The following CCNY variants were observed in gnomAD, a reference collection of about 807,000 sequenced individuals.
CCNY encodes cyclin Y.
Under a neutral mutation model 42.8 loss-of-function variants are expected in CCNY, and 19 were observed. The ratio of observed to expected loss-of-function variants is 0.44; its 90% confidence interval spans 0.31 to 0.65. The LOEUF (loss-of-function observed/expected upper bound fraction) is 0.65. Among genes scored for constraint, CCNY ranks in the 30% least tolerant of loss-of-function variants. The pLI is 0.07. For missense variants in CCNY, 370 were observed against 437.3 expected, an observed-to-expected ratio of 0.85 and a Z score of 1.37; for synonymous variants, 165 against 162.7, an observed-to-expected ratio of 1.01 and a Z score of -0.11.
chr10:35,469,869 CAG>C (rs979386851), intron 1 of CCNY, among the ~76,000 whole-genome samples: 5 of 138,196 alleles, frequency 3.6e-5, no homozygotes, highest in African/African-American at 1.4e-4. Flanking sequence ...GATGGAGAGA[CAG>C]GGAGATAGAT....
intron 8 of CCNY, among the ~76,000 whole-genome samples, chr10:35,556,926 A>G (rs532930607): frequency 2.4e-4 from 37 of 151,538 alleles, no homozygotes; most frequent in African/African-American, 8.2e-4. Flanking sequence ...GCTCACTGCA[A>G]CTTCGCTTCC....
chr10:35,399,426 T>A (rs779262812), intron 1 of CCNY, among the ~76,000 whole-genome samples: 7 of 152,098 alleles, frequency 4.6e-5, no homozygotes, highest in African/African-American at 1.2e-4. Context: ...GGTACTAGTG[T>A]GTGAAGTGGT....
intron 1 of CCNY, among the ~76,000 whole-genome samples, chr10:35,392,674 G>GAGCTGGGC (rs1185977168): frequency 1.3e-5 from 2 of 152,224 alleles, no homozygotes; most frequent in Non-Finnish European, 2.9e-5. Flanking sequence ...GTCAGCTGGG[G>GAGCTGGGC]AGCTGGGCCT....
intron 1 of CCNY, among the ~76,000 whole-genome samples, chr10:35,429,457 G>T (rs1189052635): frequency 3.3e-5 from 5 of 152,024 alleles, no homozygotes; most frequent in Non-Finnish European, 7.4e-5. Context: ...TAGCTTTTTG[G>T]GGTCTTCAAT....
At position 35,530,111 on chromosome 10, in the gene CCNY, T is replaced by C; in HGVS notation, c.460-13T>C. 1.2e-6 allele frequency: 2 copies of C among 1,614,188 alleles called. No homozygotes were observed. The highest frequency in any genetic ancestry group is 1.1e-5 in the South Asian group (1 of 91,080). ...TCGGGAGATCAGTCATCTGAAAATATTTTCTTCCCCAGAAATCCGAAGTGC... is the reference window on the plus strand; with the variant it reads ...TCGGGAGATCAGTCATCTGAAAATACTTTCTTCCCCAGAAATCCGAAGTGC... On this transcript the variant is annotated splice_polypyrimidine_tract_variant and intron_variant, in intron 6 of 9. Coordinates refer to ENST00000374704, the MANE Select transcript of CCNY (RefSeq NM_145012.6). The surrounding 1 kb of genome is among the most constrained non-coding windows in gnomAD (Gnocchi z 4.3).
chr10:35,496,873 T>G (rs896612001), intron 2 of CCNY, among the ~76,000 whole-genome samples: 4 of 152,214 alleles, frequency 2.6e-5, no homozygotes, highest in African/African-American at 7.2e-5. Flanking sequence ...AAGTGTAATT[T>G]TGTTTGTCCC....
rs575632011 is a variant in CCNY at position 35,439,219 on chromosome 10, T to C, written c.155-44185T>C. 8.9e-4 allele frequency among the ~76,000 whole-genome samples: 136 copies of C among 152,354 alleles called. 1 individual carries two copies. The highest frequency in any genetic ancestry group is 9.4e-4 in the Non-Finnish European group (64 of 68,024). ...AGCCCTGCCCGCTGTCTTTTCTCCC[T>C]TGGTACTCTGATGATGAGAATGTTA... is the stretch of plus-strand genomic sequence containing the variant. On this transcript the variant is annotated intron_variant, in intron 1 of 9. Transcript: ENST00000374704.
chr10:35,425,745 A>G lies in CCNY; in HGVS notation c.155-57659A>G, dbSNP rs574586475. On this transcript the variant is annotated intron_variant, in intron 1 of 9. Transcript: ENST00000374704. ...CTTGTGGAGGGAATGTAACCTTGCT[A>G]TGGAGGACTTTCTGCTTTCTAACTT... Among the ~76,000 whole-genome samples the G allele has an allele frequency of 5.3e-5, 8 of 152,306 alleles. No individual in the cohort carries two copies. The South Asian group carries it at 8.3e-4, about 16-fold the overall frequency.
At chr10:35,541,954 C>T (rs10827513) in intron 7 of CCNY, among the ~76,000 whole-genome samples, 16,090 of 149,450 alleles carry the variant, frequency 0.11, 1,160 homozygotes, top group East Asian at 0.35. Flanking sequence ...CCCAGCATCC[C>T]TTTTTTTCTT....
At chr10:35,501,272 T>C (rs1840105004) in intron 2 of CCNY, among the ~76,000 whole-genome samples, 1 of 152,234 alleles carries the variant, frequency 6.6e-6, no homozygotes. Context: ...GCTGCAGTTA[T>C]TTTGTTAGGG....
chr10:35,400,942 A>T (rs974146013), intron 1 of CCNY, among the ~76,000 whole-genome samples: 1 of 152,002 alleles, frequency 6.6e-6, no homozygotes, highest in African/African-American at 2.4e-5. Context: ...TTTTTTTTTG[A>T]GAGAGAAATA....
intron 1 of CCNY, among the ~76,000 whole-genome samples, chr10:35,341,218 T>G (rs1836173803): frequency 6.6e-6 from 1 of 152,166 alleles, no homozygotes; most frequent in African/African-American, 2.4e-5. Flanking sequence ...TCCTTGCCCT[T>G]CCTGGAACAT....
At chr10:35,279,770 C>A (rs957000152) in intron 3 of CCNY, among the ~76,000 whole-genome samples, 1 of 152,172 alleles carries the variant, frequency 6.6e-6, no homozygotes, top group Non-Finnish European at 1.5e-5. Context: ...TCAAGTCTGG[C>A]ATGGAAAGGG....
In CCNY at chr10:35,378,166, G is replaced by A. The variant is rs185567885; in HGVS notation, c.154+40959G>A. Among the ~76,000 whole-genome samples the A allele has an allele frequency of 1.5e-3, 228 of 152,288 alleles. 1 individual carries two copies. The highest frequency in any genetic ancestry group is 5.2e-3 in the African/African-American group (218 of 41,554). ...CACATGCAAGATTTTGTGTCATCAT[G>A]CTTTGTCATTTGGGAAAGTATTGGT... On this transcript the variant is annotated intron_variant, in intron 1 of 9. Transcript: ENST00000374704.
chr10:35,444,558 G>C (rs1249665866), intron 1 of CCNY, among the ~76,000 whole-genome samples: 1 of 152,140 alleles, frequency 6.6e-6, no homozygotes, highest in Non-Finnish European at 1.5e-5. Context: ...ATAACTGTTT[G>C]ACTGGCAGCA....
chr10:35,526,112 T>C (rs1840647962), intron 5 of CCNY, 113 bp downstream of exon 5: 1 of 922,492 alleles, frequency 1.1e-6, no homozygotes, highest in Non-Finnish European at 1.6e-6. Context: ...TTAACTCATA[T>C]TTTCATAGAA....
At chr10:35,563,065 A>G (rs1285484579) in intron 8 of CCNY, among the ~76,000 whole-genome samples, 1 of 152,078 alleles carries the variant, frequency 6.6e-6, no homozygotes, top group Non-Finnish European at 1.5e-5. Flanking sequence ...TAGTAAATCC[A>G]TCAGGCCCAT....
At chr10:35,491,460 C>T (rs373581683) in intron 2 of CCNY, among the ~76,000 whole-genome samples, 1 of 152,222 alleles carries the variant, frequency 6.6e-6, no homozygotes, top group African/African-American at 2.4e-5. Flanking sequence ...GGAGCCACCC[C>T]GTCCTGCCAG....
chr10:35,363,606 G>T (rs1438745436), intron 1 of CCNY, among the ~76,000 whole-genome samples: 1 of 152,224 alleles, frequency 6.6e-6, no homozygotes, highest in African/African-American at 2.4e-5. Flanking sequence ...GATCAGCTCT[G>T]TTGGTTCTGT....
Sources: gnomAD v4.1 joint callset for allele counts (sites outside exome capture counted in the v4.1 genomes callset) on GRCh38, gnomAD v4.1.1 for gene constraint, Gnocchi (gnomAD v3.1) non-coding constraint, MANE v1.5 for transcripts, NCBI Gene and HGNC (gene_info 2026-07-23, HGNC 2026-07-21) for gene names.